Variants in CHCHD6 observed in about 807,000 individuals in gnomAD.
CHCHD6 encodes the protein coiled-coil-helix-coiled-coil-helix domain containing 6.
In CHCHD6, 28 loss-of-function variants were observed where a neutral mutation model predicts 32.3. The observed-to-expected ratio is 0.87, with a 90% CI of 0.64 to 1.19. The LOEUF (loss-of-function observed/expected upper bound fraction) is 1.19. CHCHD6 is among the 50% of genes most tolerant of loss of function. The pLI, the probability that CHCHD6 is intolerant of heterozygous loss-of-function variation, is 0.00. For synonymous variants in CHCHD6, 122 were observed against 117.5 expected (o/e 1.04, Z -0.25); for missense variants, 333 against 307.0 (o/e 1.08, Z -0.63).
chr3:126,933,468 G>T (rs566529386), intron 6 of CHCHD6, among the ~76,000 whole-genome samples: 1 of 152,312 alleles, frequency 6.6e-6, no homozygotes, highest in Non-Finnish European at 1.5e-5. Flanking sequence ...GGTCCTACAG[G>T]CTGTACAGGC....
chr3:126,881,039 G>T (rs1188257828), intron 5 of CHCHD6, among the ~76,000 whole-genome samples: 1 of 152,212 alleles, frequency 6.6e-6, no homozygotes. Context: ...TTCTAAATGG[G>T]CAGAGCACAC....
At chr3:126,730,122 T>C (rs1373074979) in intron 2 of CHCHD6, among the ~76,000 whole-genome samples, 1 of 152,154 alleles carries the variant, frequency 6.6e-6, no homozygotes, top group Admixed American at 6.5e-5. Flanking sequence ...AGGTGGGTAC[T>C]AAGGGAAACA....
At chr3:126,751,861 G>A (rs942700353) in intron 4 of CHCHD6, among the ~76,000 whole-genome samples, 1 of 152,214 alleles carries the variant, frequency 6.6e-6, no homozygotes, top group Non-Finnish European at 1.5e-5. Context: ...GCTTAGAGCA[G>A]CACCAGGTGC....
At chr3:126,865,732 G>A in intron 5 of CHCHD6, 4 of 985,148 alleles carry the variant, frequency 4.1e-6, no homozygotes, top group Non-Finnish European at 4.8e-6. Flanking sequence ...TCTGCATACT[G>A]CTTCTGGTAT....
At position 126,767,348 on chromosome 3, in the gene CHCHD6, T is replaced by C. The variant is rs1326032982; in HGVS notation, c.411+34126T>C. 10 of 843,566 alleles carry C rather than the reference T, an allele frequency of 1.2e-5. No individual in the cohort carries two copies. In the East Asian group the frequency reaches 2.4e-4, roughly 21 times the overall value. 52.3% of individuals were successfully genotyped at this position (843,566 alleles called of 1,614,324 possible). On this transcript the variant is annotated intron_variant, in intron 4 of 7. Coordinates refer to ENST00000290913, the MANE Select transcript of CHCHD6 (RefSeq NM_032343.3). ...TTCCATCAAGGCCAAGGTGTAGTTC[T>C]GCCCACATGCTGCAGACATGATCAC...
intron 4 of CHCHD6, among the ~76,000 whole-genome samples, chr3:126,758,458 G>A (rs975719312): frequency 2.6e-5 from 4 of 152,210 alleles, no homozygotes; most frequent in African/African-American, 9.7e-5. Flanking sequence ...CAATCTGAAG[G>A]TAGACACGGT....
At chr3:126,827,844 G>A (rs1940464362) in intron 4 of CHCHD6, among the ~76,000 whole-genome samples, 1 of 152,142 alleles carries the variant, frequency 6.6e-6, no homozygotes, top group African/African-American at 2.4e-5. Flanking sequence ...AAATAAGCCA[G>A]AGAGTTTGTT....
At chr3:126,839,931 C>T (rs1395293144) in intron 4 of CHCHD6, among the ~76,000 whole-genome samples, 1 of 152,216 alleles carries the variant, frequency 6.6e-6, no homozygotes, top group South Asian at 2.1e-4. Flanking sequence ...GGATGGAAAC[C>T]CTGCTCCCAT....
chr3:126,852,719 A>T lies in CHCHD6; in HGVS notation c.484A>T (p.Ile162Phe). 1 of 1,612,024 alleles carries T rather than the reference A, an allele frequency of 6.2e-7. No individual in the cohort carries two copies. The change falls in exon 5 of 8, where the codon ATT becomes TTT. Residue 162 changes from isoleucine to phenylalanine, a missense_variant. Coordinates refer to ENST00000290913, the MANE Select transcript of CHCHD6 (RefSeq NM_032343.3). Reference sequence around the variant, plus strand: ...CTTCTACAAGGAGCAGCTGGAGCGTATTGAGAGGAAGGTAAGACTCCTGCT... The same window carrying T: ...CTTCTACAAGGAGCAGCTGGAGCGTTTTGAGAGGAAGGTAAGACTCCTGCT... ...DTFYKEQLER[I>F]ERKNAEMYKL... is the part of the protein sequence containing the mutation.
chr3:126,809,614 T>C lies in CHCHD6; in HGVS notation c.412-43033T>C, dbSNP rs555280557. 2.6e-5 allele frequency among the ~76,000 whole-genome samples: 4 copies of C among 152,358 alleles called. No homozygotes were observed. The South Asian group carries it at 8.3e-4, about 32-fold the overall frequency. ...CTCTTGTGCTGCTGTTAAACATTTGTCATCTTTAATTAGGGCACAAAGAAG... is the reference window on the plus strand; with the variant it reads ...CTCTTGTGCTGCTGTTAAACATTTGCCATCTTTAATTAGGGCACAAAGAAG... On this transcript the variant is annotated intron_variant, in intron 4 of 7. Transcript: ENST00000290913.
intron 4 of CHCHD6, among the ~76,000 whole-genome samples, chr3:126,848,059 A>G (rs57130087): frequency 2.4e-3 from 361 of 152,312 alleles, no homozygotes; most frequent in African/African-American, 7.9e-3. Context: ...AACTCACCGC[A>G]GCCTCAAACT....
At chr3:126,873,855 C>T (rs1192160713) in intron 5 of CHCHD6, among the ~76,000 whole-genome samples, 2 of 152,212 alleles carry the variant, frequency 1.3e-5, no homozygotes, top group East Asian at 3.8e-4. Context: ...ACCTGGGCCT[C>T]AGAGAGTATG....
At chr3:126,951,123 G>C (rs1388891877) in intron 6 of CHCHD6, among the ~76,000 whole-genome samples, 1 of 152,178 alleles carries the variant, frequency 6.6e-6, no homozygotes, top group East Asian at 1.9e-4. Flanking sequence ...TCTCATGATG[G>C]TGAGTTCTCG....
At chr3:126,869,791 TC>T (rs2077440768) in intron 5 of CHCHD6, among the ~76,000 whole-genome samples, 1 of 152,204 alleles carries the variant, frequency 6.6e-6, no homozygotes, top group South Asian at 2.1e-4. Flanking sequence ...GTTTAAAAGC[TC>T]CCCCTTCCCT....
At chr3:126,858,362 G>A (rs914223614) in intron 5 of CHCHD6, among the ~76,000 whole-genome samples, 6 of 152,086 alleles carry the variant, frequency 3.9e-5, no homozygotes, top group Non-Finnish European at 8.8e-5. Context: ...AGTTACAGGT[G>A]TGTTCAGTTG....
intron 5 of CHCHD6, among the ~76,000 whole-genome samples, chr3:126,872,429 A>G (rs2077488037): frequency 6.6e-6 from 1 of 152,144 alleles, no homozygotes. Flanking sequence ...TATACCTCGT[A>G]ATCACCTGAA....
chr3:126,960,415 C>T lies in CHCHD6; in HGVS notation c.*214C>T. 1 of 591,560 alleles carries T rather than the reference C, an allele frequency of 1.7e-6. No homozygotes were observed. The highest frequency in any genetic ancestry group is 3.0e-6 in the Non-Finnish European group (1 of 329,520). The allele number at this position is 591,560 out of a possible 1,614,324, so 36.6% of individuals were successfully genotyped here. On this transcript the variant is annotated 3_prime_UTR_variant, in exon 8 of 8. Transcript: ENST00000290913. Reference sequence around the variant, plus strand: ...TTGTTTTCAGTCGTTGACTCACTGGCAAACAGTCACTGCTGCCTACTCTGC... The same window carrying T: ...TTGTTTTCAGTCGTTGACTCACTGGTAAACAGTCACTGCTGCCTACTCTGC...
chr3:126,842,331 A>C (rs1941125423), intron 4 of CHCHD6, among the ~76,000 whole-genome samples: 1 of 152,234 alleles, frequency 6.6e-6, no homozygotes, highest in Non-Finnish European at 1.5e-5. Context: ...TCTAGAAGCT[A>C]GGATCTGCCT....
chr3:126,913,209 T>C (rs968290637), intron 5 of CHCHD6, among the ~76,000 whole-genome samples: 4 of 15,390 alleles, frequency 2.6e-4, no homozygotes, highest in Admixed American at 7.2e-4. Flanking sequence ...GTATGAGCCT[T>C]TTTTTTTTTT....
Sources: gnomAD v4.1 joint callset for allele counts (sites outside exome capture counted in the v4.1 genomes callset) on GRCh38, gnomAD v4.1.1 for gene constraint, MANE v1.5 for transcripts, NCBI Gene and HGNC (gene_info 2026-07-23, HGNC 2026-07-21) for gene names.